The following KANSL1L variants were observed in gnomAD, a reference collection of about 807,000 sequenced individuals.
KANSL1L encodes the protein KAT8 regulatory NSL complex subunit 1-like protein.
Under a neutral mutation model 108.6 loss-of-function variants are expected in KANSL1L, and 25 were observed. The ratio of observed to expected loss-of-function variants is 0.23; its 90% confidence interval spans 0.17 to 0.32. KANSL1L has a LOEUF of 0.32. Among genes scored for constraint, KANSL1L ranks in the 10% least tolerant of loss-of-function variants. The pLI is 1.00. For missense variants in KANSL1L, 1,137 were observed against 1,125.7 expected, an observed-to-expected ratio of 1.01 and a Z score of -0.14; for synonymous variants, 405 against 395.1, an observed-to-expected ratio of 1.03 and a Z score of -0.30.
chr2:210,085,318 T>A (rs2094627120), intron 5 of KANSL1L, among the ~76,000 whole-genome samples: 1 of 152,250 alleles, frequency 6.6e-6, no homozygotes, highest in Admixed American at 6.5e-5. Context: ...TTCACTTTAC[T>A]ATGCTTTCTA....
chr2:210,033,164 C>G (rs1046995258), intron 8 of KANSL1L, among the ~76,000 whole-genome samples: 1 of 152,148 alleles, frequency 6.6e-6, no homozygotes, highest in African/African-American at 2.4e-5. Context: ...GAAGTGATAG[C>G]TGAAGTGTTT....
intron 3 of KANSL1L, among the ~76,000 whole-genome samples, chr2:210,113,078 T>C (rs939316253): frequency 1.3e-5 from 2 of 152,192 alleles, no homozygotes; most frequent in East Asian, 1.9e-4. Context: ...TTCTGATCAC[T>C]GATTGCAACC....
chr2:210,111,765 G>C (rs573755123), intron 3 of KANSL1L, among the ~76,000 whole-genome samples: 95 of 150,622 alleles, frequency 6.3e-4, no homozygotes, highest in African/African-American at 2.3e-3. Flanking sequence ...TAAGTTTTAG[G>C]GTACATGTGC....
chr2:210,079,442 A>C (rs996941611), intron 5 of KANSL1L, among the ~76,000 whole-genome samples: 3 of 150,828 alleles, frequency 2.0e-5, no homozygotes, highest in African/African-American at 7.3e-5. Context: ...CTAAAAATAC[A>C]AAAATTAGCT....
At chr2:210,040,009 T>C (rs983562666) in intron 8 of KANSL1L, among the ~76,000 whole-genome samples, 24 of 151,934 alleles carry the variant, frequency 1.6e-4, no homozygotes, top group Admixed American at 7.2e-4. Flanking sequence ...TTTATAATAA[T>C]TCCTTTTATA....
chr2:210,068,104 CT>C (rs1329788656), intron 6 of KANSL1L, among the ~76,000 whole-genome samples: 1 of 152,078 alleles, frequency 6.6e-6, no homozygotes, highest in Non-Finnish European at 1.5e-5. Context: ...TCTCAAACTC[CT>C]GACCTCGTGA....
At chr2:210,099,450 A>G (rs1423273234) in intron 4 of KANSL1L, among the ~76,000 whole-genome samples, 2 of 152,214 alleles carry the variant, frequency 1.3e-5, no homozygotes, top group African/African-American at 2.4e-5. Context: ...AAAATCTTTC[A>G]TGAGAAAGAC....
At chr2:210,159,222 G>C (rs2095349178) in intron 1 of KANSL1L, among the ~76,000 whole-genome samples, 1 of 152,142 alleles carries the variant, frequency 6.6e-6, no homozygotes, top group African/African-American at 2.4e-5. Flanking sequence ...CGGCCTCTAT[G>C]CTGTATTTGA....
At chr2:210,058,049 A>G (rs2094373765) in intron 6 of KANSL1L, among the ~76,000 whole-genome samples, 1 of 152,190 alleles carries the variant, frequency 6.6e-6, no homozygotes. Flanking sequence ...TTAAACTCTG[A>G]CTGCCAGTGA....
intron 2 of KANSL1L, 80 bp from the exon 3 acceptor site, chr2:210,129,252 T>C: frequency 3.9e-6 from 5 of 1,267,614 alleles, no homozygotes; most frequent in Non-Finnish European, 5.3e-6. Context: ...CTTCCTTAAC[T>C]CCCATCATAA....
intron 3 of KANSL1L, among the ~76,000 whole-genome samples, chr2:210,116,484 G>A (rs923967245): frequency 2.0e-5 from 3 of 152,134 alleles, no homozygotes; most frequent in Non-Finnish European, 4.4e-5. Context: ...ATCTGACCCT[G>A]TGCAGTCCCA....
At chr2:210,157,971 C>T (rs62201637) in intron 1 of KANSL1L, among the ~76,000 whole-genome samples, 1,649 of 152,028 alleles carry the variant, frequency 0.011, 17 homozygotes, top group Non-Finnish European at 0.018. Flanking sequence ...GGAAAAAATG[C>T]AAAGATTAAA....
At chr2:210,037,822 T>C (rs2094123591) in intron 8 of KANSL1L, among the ~76,000 whole-genome samples, 1 of 152,138 alleles carries the variant, frequency 6.6e-6, no homozygotes, top group South Asian at 2.1e-4. Context: ...GTAGCAAAAT[T>C]AACAATAATT....
Position 210,022,903 on chromosome 2 carries a change from C to T in KANSL1L, c.*46G>A. The T allele has an allele frequency of 7.5e-7, 1 of 1,339,770 alleles. No individual in the cohort carries two copies. Among genetic ancestry groups the T allele is most frequent in the Non-Finnish European group, 1.1e-6 (1 of 935,658 alleles). The allele number at this position is 1,339,770 out of a possible 1,614,324, so 83.0% of individuals were successfully genotyped here. ...GGGATCCAGAACAGGGCTTTATTTC[C>T]TCCCATCTTTCCTACATTTACATAG... On this transcript the variant is annotated 3_prime_UTR_variant, in exon 15 of 15. Coordinates refer to ENST00000281772, the MANE Select transcript of KANSL1L (RefSeq NM_152519.4).
chr2:210,057,220 G>A (rs2094361289), intron 6 of KANSL1L, among the ~76,000 whole-genome samples: 1 of 152,130 alleles, frequency 6.6e-6, no homozygotes, highest in Admixed American at 6.5e-5. Flanking sequence ...TGGCCAACAT[G>A]GTGAAATCCC....
At chr2:210,061,362 G>T (rs2094418076) in intron 6 of KANSL1L, among the ~76,000 whole-genome samples, 1 of 152,142 alleles carries the variant, frequency 6.6e-6, no homozygotes, top group Non-Finnish European at 1.5e-5. Flanking sequence ...AATCAGGGTG[G>T]CTTCTGTTGT....
chr2:210,129,121 G>A lies in KANSL1L; in HGVS notation c.1140C>T (p.Ser380=). 1 of 1,613,786 alleles carries A rather than the reference G, an allele frequency of 6.2e-7. No homozygotes were observed. The highest frequency in any genetic ancestry group is 8.5e-7 in the Non-Finnish European group (1 of 1,179,734). ...KWLVDRARVG[S]RWTWLQAQIS... is the part of the protein sequence containing the mutation. ...TCTGAGCTTGAAGCCAAGTCCATCG[G>A]CTGCCAACTCGTGCTCTGTCTACAA... is the stretch of plus-strand genomic sequence containing the variant. The change falls in exon 3 of 15, where the codon AGC becomes AGT. Residue 380 remains serine, a synonymous_variant. Coordinates refer to ENST00000281772, the MANE Select transcript of KANSL1L (RefSeq NM_152519.4).
chr2:210,025,544 G>C (rs2125115716), intron 12 of KANSL1L, among the ~76,000 whole-genome samples: 1 of 152,270 alleles, frequency 6.6e-6, no homozygotes, highest in African/African-American at 2.4e-5. Flanking sequence ...GACAGGGCGA[G>C]ACTCTGTCTC....
intron 3 of KANSL1L, among the ~76,000 whole-genome samples, chr2:210,105,218 C>T (rs1173032701): frequency 6.6e-6 from 1 of 151,092 alleles, no homozygotes. Context: ...ATCTATTCTA[C>T]CACCCTTCCT....
Sources: gnomAD v4.1 joint callset for allele counts (sites outside exome capture counted in the v4.1 genomes callset) on GRCh38, gnomAD v4.1.1 for gene constraint, MANE v1.5 for transcripts, NCBI Gene and HGNC (gene_info 2026-07-23, HGNC 2026-07-21) for gene names.